FANK1: variants seen among roughly 807,000 people sequenced by gnomAD.
FANK1 encodes the protein fibronectin type III and ankyrin repeat domains 1.
Under a neutral mutation model 45.3 loss-of-function variants are expected in FANK1, and 44 were observed. The ratio of observed to expected loss-of-function variants is 0.97; its 90% CI spans 0.76 to 1.25. The LOEUF (loss-of-function observed/expected upper bound fraction) is 1.25, where lower values mean the gene tolerates loss of function less well. Ranked by LOEUF, FANK1 falls within the 50% of genes most tolerant of loss-of-function variation. The pLI is 0.00. For synonymous variants in FANK1, 149 were observed against 152.5 expected (o/e 0.98, Z 0.17); for missense variants, 391 against 424.4 (o/e 0.92, Z 0.69).
chr10:125,927,055 T>C (rs1346907749), intron 1 of FANK1, among the ~76,000 whole-genome samples: 1 of 152,120 alleles, frequency 6.6e-6, no homozygotes, highest in African/African-American at 2.4e-5. Flanking sequence ...CTGCCTGCCT[T>C]AGCCTCCCAG....
At chr10:125,976,624 A>T (rs1218565517) in intron 1 of FANK1, among the ~76,000 whole-genome samples, 3 of 148,544 alleles carry the variant, frequency 2.0e-5, no homozygotes, top group East Asian at 2.0e-4. Flanking sequence ...TGCATTGTAA[A>T]TTTTTTTTTT....
intron 1 of FANK1, among the ~76,000 whole-genome samples, chr10:125,945,884 C>T (rs541985984): frequency 2.6e-5 from 4 of 152,322 alleles, no homozygotes; most frequent in Admixed American, 1.3e-4. Context: ...GTGGTTCTCC[C>T]AGCACGCAGC....
intron 7 of FANK1, 35 bp from the exon 8 acceptor site, chr10:126,008,372 T>G (rs773451727): frequency 6.2e-5 from 96 of 1,536,872 alleles, no homozygotes; most frequent in Non-Finnish European, 8.3e-5. Context: ...GAAAAAGAAA[T>G]TGGGCTCAAC....
chr10:125,898,098 A>G (rs1203380726), intron 1 of FANK1, among the ~76,000 whole-genome samples: 1 of 149,132 alleles, frequency 6.7e-6, no homozygotes, highest in Non-Finnish European at 1.5e-5. Flanking sequence ...GAGGCAGGGG[A>G]ATCGCTTGAA....
chr10:125,902,393 A>G lies in FANK1; in HGVS notation c.13+5738A>G, dbSNP rs550730143. On this transcript the variant is annotated intron_variant, in intron 1 of 10. Transcript: ENST00000368693. ...GGAGTAAACCCTAAACATTCATGGA[A>G]TGGATAGCACTGCTGTTCACAGATA... Among the ~76,000 whole-genome samples the G allele has an allele frequency of 6.2e-4, 95 of 152,360 alleles. 1 individual carries two copies. The highest frequency in any genetic ancestry group is 2.7e-3 in the Admixed American group (42 of 15,300).
chr10:125,959,493 A>G (rs1447337738), intron 1 of FANK1, among the ~76,000 whole-genome samples: 1 of 152,092 alleles, frequency 6.6e-6, no homozygotes, highest in African/African-American at 2.4e-5. Flanking sequence ...TTAAGAATAC[A>G]AAGACTGAAT....
chr10:125,938,109 C>T (rs886729109), intron 1 of FANK1, among the ~76,000 whole-genome samples: 1 of 152,136 alleles, frequency 6.6e-6, no homozygotes, highest in Non-Finnish European at 1.5e-5. Context: ...CTGAACATTA[C>T]TCAGTCTCTT....
intron 1 of FANK1, among the ~76,000 whole-genome samples, chr10:125,956,325 G>T (rs1386225162): frequency 6.6e-6 from 1 of 152,092 alleles, no homozygotes. Context: ...AAAAATCAAA[G>T]GCTGTCTTAA....
intron 1 of FANK1, among the ~76,000 whole-genome samples, chr10:125,913,735 C>A (rs1246960723): frequency 1.3e-5 from 2 of 152,204 alleles, no homozygotes; most frequent in African/African-American, 4.8e-5. Context: ...CAAGTTGTAG[C>A]AGCCCTGAGC....
chr10:125,940,236 G>A (rs1042621326), intron 1 of FANK1, among the ~76,000 whole-genome samples: 8 of 152,064 alleles, frequency 5.3e-5, no homozygotes, highest in African/African-American at 1.7e-4. Context: ...TACCAGCACC[G>A]GTCTCTGAGT....
intron 1 of FANK1, among the ~76,000 whole-genome samples, chr10:125,934,878 G>A (rs1274375220): frequency 6.6e-6 from 1 of 151,902 alleles, no homozygotes; most frequent in Non-Finnish European, 1.5e-5. Context: ...AGAATTGCCA[G>A]TTGCTGCTGC....
At chr10:125,951,169 A>C (rs1364112906) in intron 1 of FANK1, among the ~76,000 whole-genome samples, 1 of 150,922 alleles carries the variant, frequency 6.6e-6, no homozygotes, top group East Asian at 2.0e-4. Context: ...GGTGCAGCGC[A>C]CCAGCATGGC....
intron 1 of FANK1, among the ~76,000 whole-genome samples, chr10:125,908,811 A>G (rs1325386236): frequency 6.6e-6 from 1 of 152,284 alleles, no homozygotes; most frequent in East Asian, 1.9e-4. Flanking sequence ...ATTTTCTTAA[A>G]TGAAATCCTG....
At chr10:125,925,352 G>A (rs546255182) in intron 1 of FANK1, among the ~76,000 whole-genome samples, 1 of 152,072 alleles carries the variant, frequency 6.6e-6, no homozygotes, top group African/African-American at 2.4e-5. Flanking sequence ...TCAACATTAC[G>A]TATGATATAG....
rs183814949 is a variant in FANK1 at position 125,959,049 on chromosome 10, A to T, written c.14-21112A>T. Among the ~76,000 whole-genome samples the T allele has an allele frequency of 3.3e-5, 5 of 152,320 alleles. No homozygotes were observed. In the East Asian group the frequency reaches 7.7e-4, roughly 23 times the overall value. On this transcript the variant is annotated intron_variant, in intron 1 of 10. Coordinates refer to ENST00000368693, the MANE Select transcript of FANK1 (RefSeq NM_145235.5). ...ATTTTAGGTTGTAGTATTTTACATT[A>T]CTTTGTTTTTAACTATTTACAATGT...
intron 1 of FANK1, among the ~76,000 whole-genome samples, chr10:125,923,193 T>A (rs1947067816): frequency 6.6e-6 from 1 of 152,090 alleles, no homozygotes; most frequent in African/African-American, 2.4e-5. Context: ...GTATGGTGGC[T>A]TATGCCTGTA....
chr10:125,922,539 C>T (rs1238437614), intron 1 of FANK1, among the ~76,000 whole-genome samples: 8 of 152,210 alleles, frequency 5.3e-5, no homozygotes, highest in Non-Finnish European at 1.2e-4. Flanking sequence ...TGTTTTGAGA[C>T]AGGGTCTCAC....
rs2133359873 is a variant in FANK1 at position 126,009,543 on chromosome 10, T to C, written c.*105T>C. ...TCTTGGGGGGCTGTACATTTATTTA[T>C]TTAGTTGAAGATTCACTGATCCCAC... On this transcript the variant is annotated 3_prime_UTR_variant, in exon 11 of 11. Transcript: ENST00000368693. 8.1e-7 allele frequency: 1 copy of C among 1,235,304 alleles called. No individual in the cohort carries two copies. Among genetic ancestry groups the C allele is most frequent in the South Asian group, 1.4e-5 (1 of 73,200 alleles). 76.5% of individuals were successfully genotyped at this position (1,235,304 alleles called of 1,614,324 possible).
intron 1 of FANK1, among the ~76,000 whole-genome samples, chr10:125,932,379 A>C (rs1200353035): frequency 1.3e-5 from 2 of 152,090 alleles, no homozygotes. Context: ...GATTTATTTC[A>C]GAGGTGTTTT....
Sources: allele counts gnomAD v4.1 joint callset (sites outside exome capture counted in the v4.1 genomes callset), GRCh38; gene constraint gnomAD v4.1.1; transcripts MANE v1.5; gene names NCBI Gene and HGNC (gene_info 2026-07-23, HGNC 2026-07-21).